Variants in NPFFR2 observed in about 807,000 individuals in gnomAD.
NPFFR2 encodes G-protein coupled receptor 74.
A neutral mutation model predicts 13.1 loss-of-function variants in NPFFR2; 15 were observed. The observed-to-expected ratio is 1.15, with a 90% CI of 0.77 to 1.76. NPFFR2 has a LOEUF of 1.76. Among genes scored for constraint, NPFFR2 ranks in the 40% most tolerant of loss-of-function variants. The pLI is 0.00. For synonymous variants in NPFFR2, 190 were observed against 175.7 expected (o/e 1.08, Z -0.65); for missense variants, 572 against 503.5 (o/e 1.14, Z -1.30).
intron 2 of NPFFR2, among the ~76,000 whole-genome samples, chr4:72,137,055 A>G (rs1205391808): frequency 3.3e-5 from 5 of 152,176 alleles, no homozygotes; most frequent in Non-Finnish European, 7.4e-5. Context: ...TAATACTATC[A>G]TAAGCTAACA....
chr4:72,132,505 T>A (rs1722280874), intron 2 of NPFFR2, among the ~76,000 whole-genome samples: 1 of 152,228 alleles, frequency 6.6e-6, no homozygotes, highest in Non-Finnish European at 1.5e-5. Context: ...TTCCTCTGGG[T>A]ATATACCTAG....
At chr4:72,127,498 G>A (rs1231559852) in intron 1 of NPFFR2, among the ~76,000 whole-genome samples, 1 of 143,934 alleles carries the variant, frequency 6.9e-6, no homozygotes, top group Non-Finnish European at 1.5e-5. Flanking sequence ...CGAGTAGCTG[G>A]GACCACAGGC....
At chr4:72,044,910 A>G (rs1274805383) in intron 1 of NPFFR2, among the ~76,000 whole-genome samples, 1 of 152,012 alleles carries the variant, frequency 6.6e-6, no homozygotes, top group East Asian at 1.9e-4. Context: ...TACTAATCCC[A>G]TTTGTCTATT....
intron 1 of NPFFR2, among the ~76,000 whole-genome samples, chr4:72,047,885 A>G (rs1446358920): frequency 6.6e-6 from 1 of 152,164 alleles, no homozygotes; most frequent in South Asian, 2.1e-4. Flanking sequence ...ACATATAGAC[A>G]TCAAAATATC....
chr4:72,145,788 A>G (rs1202573858), intron 3 of NPFFR2, among the ~76,000 whole-genome samples: 3 of 152,222 alleles, frequency 2.0e-5, no homozygotes, highest in African/African-American at 7.2e-5. Context: ...CTGGAATGTA[A>G]CAATTTTCAT....
chr4:72,121,448 A>G (rs932675110), intron 1 of NPFFR2, among the ~76,000 whole-genome samples: 12 of 152,266 alleles, frequency 7.9e-5, no homozygotes, highest in South Asian at 4.2e-4. Context: ...AAACATAATC[A>G]TCAGATTCAC....
chr4:72,068,622 G>A (rs966460013), intron 1 of NPFFR2, among the ~76,000 whole-genome samples: 1 of 152,074 alleles, frequency 6.6e-6, no homozygotes, highest in Non-Finnish European at 1.5e-5. Context: ...GCATGTCATA[G>A]GCATTCAGTA....
chr4:72,122,431 C>G (rs1721910125), intron 1 of NPFFR2, among the ~76,000 whole-genome samples: 1 of 152,154 alleles, frequency 6.6e-6, no homozygotes, highest in Non-Finnish European at 1.5e-5. Flanking sequence ...CTCTCCAGCC[C>G]AAATAAAGAG....
intron 1 of NPFFR2, among the ~76,000 whole-genome samples, chr4:72,035,183 C>G (rs944586264): frequency 9.9e-5 from 15 of 152,214 alleles, no homozygotes; most frequent in Non-Finnish European, 1.9e-4. Flanking sequence ...CCCTGAAATT[C>G]TGTGACATCA....
chr4:72,087,093 G>A (rs1720793802), intron 1 of NPFFR2, among the ~76,000 whole-genome samples: 1 of 152,018 alleles, frequency 6.6e-6, no homozygotes, highest in South Asian at 2.1e-4. Flanking sequence ...TGGGTTGAAA[G>A]AGACCATTTT....
intron 1 of NPFFR2, among the ~76,000 whole-genome samples, chr4:72,102,424 C>T (rs190683306): frequency 1.3e-5 from 2 of 151,990 alleles, no homozygotes; most frequent in East Asian, 3.9e-4. Context: ...GTATGCACAA[C>T]ATGCAGGTTT....
At chr4:72,041,782 C>T (rs540621070) in intron 1 of NPFFR2, among the ~76,000 whole-genome samples, 1 of 152,276 alleles carries the variant, frequency 6.6e-6, no homozygotes, top group African/African-American at 2.4e-5. Context: ...TTGTTGACTG[C>T]TCGTATGTCT....
At chr4:72,092,963 G>T (rs974967975) in intron 1 of NPFFR2, among the ~76,000 whole-genome samples, 7 of 152,024 alleles carry the variant, frequency 4.6e-5, no homozygotes, top group Non-Finnish European at 8.8e-5. Context: ...TTCTATTTTG[G>T]TATATTTTGA....
At chr4:72,123,679 T>C (rs890038245) in intron 1 of NPFFR2, among the ~76,000 whole-genome samples, 1 of 152,186 alleles carries the variant, frequency 6.6e-6, no homozygotes, top group Non-Finnish European at 1.5e-5. Context: ...ATTATCTCAA[T>C]AGATGCAGAA....
intron 1 of NPFFR2, among the ~76,000 whole-genome samples, chr4:72,098,703 C>T (rs189019658): frequency 9.2e-5 from 14 of 152,248 alleles, no homozygotes; most frequent in African/African-American, 1.4e-4. Flanking sequence ...CACTCCTCTC[C>T]GAACCATGAC....
intron 1 of NPFFR2, among the ~76,000 whole-genome samples, chr4:72,047,601 A>G (rs1719414809): frequency 1.3e-5 from 2 of 152,254 alleles, no homozygotes; most frequent in Non-Finnish European, 2.9e-5. Flanking sequence ...CAGAACTCAT[A>G]ATCCTTGTGA....
At chr4:72,087,493 A>G (rs954983551) in intron 1 of NPFFR2, among the ~76,000 whole-genome samples, 26 of 152,132 alleles carry the variant, frequency 1.7e-4, no homozygotes, top group African/African-American at 6.3e-4. Flanking sequence ...AACCAAAATT[A>G]GAAATTTTGC....
chr4:72,083,490 A>G (rs1720686838), intron 1 of NPFFR2, among the ~76,000 whole-genome samples: 1 of 141,970 alleles, frequency 7.0e-6, no homozygotes, highest in Non-Finnish European at 1.5e-5. Flanking sequence ...AGTATTTGCC[A>G]TCAGTGACAA....
At chr4:72,138,295 G>GT (rs1722482497) in intron 3 of NPFFR2, among the ~76,000 whole-genome samples, 156 bp downstream of exon 3, 1 of 152,078 alleles carries the variant, frequency 6.6e-6, no homozygotes, top group South Asian at 2.1e-4. Context: ...AAGTTCTAGG[G>GT]TACATGTGCA....
Sources: allele counts gnomAD v4.1 joint callset (sites outside exome capture counted in the v4.1 genomes callset), GRCh38; gene constraint gnomAD v4.1.1; transcripts MANE v1.5; gene names NCBI Gene and HGNC (gene_info 2026-07-23, HGNC 2026-07-21).